The following SIRT1 variants were observed in gnomAD, a reference collection of about 807,000 sequenced individuals.
SIRT1 encodes sirtuin 1.
SIRT1 carries 24 observed loss-of-function variants against 67.9 expected under a neutral mutation model. That is an observed-to-expected ratio of 0.35 (90% CI 0.26 to 0.50). The LOEUF (loss-of-function observed/expected upper bound fraction) is 0.50, where lower values mean the gene tolerates loss of function less well. Among genes scored for constraint, SIRT1 ranks in the 20% least tolerant of loss-of-function variants. SIRT1 has a pLI of 0.98. For synonymous variants in SIRT1, 378 were observed against 350.7 expected (o/e 1.08, Z -0.87); for missense variants, 873 against 937.2 (o/e 0.93, Z 0.89).
chr10:67,907,486 C>T (rs1332686523), intron 5 of SIRT1, among the ~76,000 whole-genome samples: 5 of 88,162 alleles, frequency 5.7e-5, no homozygotes, highest in African/African-American at 1.4e-4. Flanking sequence ...CAGTGAGACT[C>T]TGTCAAAAAA....
chr10:67,888,891 C>G lies in SIRT1; in HGVS notation c.557C>G (p.Thr186Ser), dbSNP rs201841214. 1.4e-5 allele frequency: 22 copies of G among 1,610,928 alleles called. No individual in the cohort carries two copies. Among genetic ancestry groups the G allele is most frequent in the Admixed American group, 3.3e-5 (2 of 59,780 alleles). The change falls in exon 3 of 9, where the codon ACT (threonine) becomes AGT (serine). Residue 186 changes from threonine to serine, a missense_variant. Thr to Ser is a moderately conservative substitution (Grantham distance 58). This residue lies in a region of SIRT1 where 327 missense variants were observed against 283.9 expected (regional missense o/e 1.15). Transcript: ENST00000212015. ...TTCCCCCTTATTGTAGGTCCATATA[C>G]TTTTGTTCAGCAACATCTTATGATT... ...WTPRPRIGPY[T>S]FVQQHLMIGT... is the part of the protein sequence containing the mutation.
chr10:67,885,090 A>C lies in SIRT1; in HGVS notation c.369A>C (p.Glu123Asp), dbSNP rs1842453650. The C allele has an allele frequency of 2.1e-6, 3 of 1,447,092 alleles. No homozygotes were observed. The highest frequency in any genetic ancestry group is 2.7e-5 in the Admixed American group (1 of 37,718). The allele number at this position is 1,447,092 out of a possible 1,614,324, so 89.6% of individuals were successfully genotyped here. A position where few individuals can be genotyped will look rare whatever the true frequency, so the allele number is the denominator to read the frequency against. The stretch of plus-strand genomic sequence containing the variant: ...CGCTGGCCGACAACTTGTACGACGA[A>C]GACGACGACGACGAGGGCGAGGAGG... Reference protein sequence around the residue: ...EPPLADNLYDEDDDDEGEEEE... With the variant: ...EPPLADNLYDDDDDDEGEEEE... The change falls in exon 1 of 9, where the codon GAA (glutamate) becomes GAC (aspartate). Residue 123 changes from glutamate (E) to aspartate (D), a missense_variant. Transcript: ENST00000212015.
intron 4 of SIRT1, chr10:67,905,990 T>C (rs985627974): frequency 7.5e-6 from 3 of 402,652 alleles, no homozygotes; most frequent in Non-Finnish European, 1.2e-5. Flanking sequence ...AGGAAGTAAG[T>C]AGATGATAGC....
In SIRT1 at chr10:67,916,779, C is replaced by A; in HGVS notation, c.*186C>A. On this transcript the variant is annotated 3_prime_UTR_variant, in exon 9 of 9. Coordinates refer to ENST00000212015, the MANE Select transcript of SIRT1 (RefSeq NM_012238.5). Reference sequence around the variant, plus strand: ...TTCATTATTTCTGTACTTGTACAAACTCAACACTAACTTTTTTTTTTTTAA... The same window carrying A: ...TTCATTATTTCTGTACTTGTACAAAATCAACACTAACTTTTTTTTTTTTAA... 2 of 405,612 alleles carry A rather than the reference C, an allele frequency of 4.9e-6. No homozygotes were observed. The highest frequency in any genetic ancestry group is 8.6e-6 in the Non-Finnish European group (2 of 233,660). The allele number at this position is 405,612 out of a possible 1,614,324, so 25.1% of individuals were successfully genotyped here.
In SIRT1 at chr10:67,909,105, A is replaced by G. The variant is rs574670232; in HGVS notation, c.1171-151A>G. ...ATAGTATGTTAATAAACTACCCATC[A>G]TTGACAGTTGCTGTTTATCCATAGC... On this transcript the variant is annotated intron_variant, in intron 6 of 8. Coordinates refer to ENST00000212015, the MANE Select transcript of SIRT1 (RefSeq NM_012238.5). 652 of 578,568 alleles carry G rather than the reference A, an allele frequency of 1.1e-3. 2 individuals carry two copies. The highest frequency in any genetic ancestry group is 1.7e-3 in the Non-Finnish European group (561 of 332,876). The allele number at this position is 578,568 out of a possible 1,614,324, so 35.8% of individuals were successfully genotyped here.
At chr10:67,892,036 A>G (rs972105464) in intron 4 of SIRT1, among the ~76,000 whole-genome samples, 2 of 152,170 alleles carry the variant, frequency 1.3e-5, no homozygotes, top group African/African-American at 4.8e-5. Context: ...ATTCTGCTCT[A>G]GAGTTGCACC....
chr10:67,915,058 T>C (rs1043746155), intron 8 of SIRT1, among the ~76,000 whole-genome samples: 1 of 152,048 alleles, frequency 6.6e-6, no homozygotes, highest in African/African-American at 2.4e-5. Context: ...GAGTACTATG[T>C]GTCTGTTGTA....
intron 4 of SIRT1, among the ~76,000 whole-genome samples, 191 bp from the exon 5 acceptor site, chr10:67,906,599 T>C (rs1006979763): frequency 2.6e-5 from 4 of 152,244 alleles, no homozygotes; most frequent in Admixed American, 2.6e-4. Flanking sequence ...CACTAATTGC[T>C]GAGTTTTATG....
intron 4 of SIRT1, among the ~76,000 whole-genome samples, chr10:67,895,984 C>T (rs561538603): frequency 6.6e-6 from 1 of 151,906 alleles, no homozygotes; most frequent in African/African-American, 2.4e-5. Flanking sequence ...TCAGGTGATC[C>T]GCCCGCCTAG....
chr10:67,887,978 C>A (rs1436673969), intron 2 of SIRT1, among the ~76,000 whole-genome samples: 2 of 152,212 alleles, frequency 1.3e-5, no homozygotes, highest in African/African-American at 4.8e-5. Flanking sequence ...CTTACCACTT[C>A]TTGAAAAGCT....
At chr10:67,905,599 G>C (rs1037084859) in intron 4 of SIRT1, among the ~76,000 whole-genome samples, 2 of 152,152 alleles carry the variant, frequency 1.3e-5, no homozygotes, top group Non-Finnish European at 2.9e-5. Flanking sequence ...TAGGTAAAAA[G>C]TCATCTTTAA....
chr10:67,888,391 A>C (rs1473433960), intron 2 of SIRT1, among the ~76,000 whole-genome samples: 1 of 152,202 alleles, frequency 6.6e-6, no homozygotes, highest in Non-Finnish European at 1.5e-5. Flanking sequence ...TTCTCAGAAC[A>C]TCAACATTGT....
rs1564880865 is a variant in SIRT1 at position 67,884,957 on chromosome 10, C to T, written c.236C>T (p.Ala79Val). The T allele has an allele frequency of 3.2e-6, 4 of 1,256,872 alleles. No individual in the cohort carries two copies. The highest frequency in any genetic ancestry group is 4.0e-6 in the Non-Finnish European group (4 of 1,001,708). The allele number at this position is 1,256,872 out of a possible 1,614,324, so 77.9% of individuals were successfully genotyped here. A position where few individuals can be genotyped will look rare whatever the true frequency, so the allele number is the denominator to read the frequency against. Residue 79 changes from alanine to valine, a missense_variant, in exon 1 of 9, where the codon GCG becomes GTG. Transcript: ENST00000212015. ...GCGGCGGCGGCGCTGTGGCGGGAGG[C>T]GGAGGCAGAGGCGGCGGCGGCAGGC... ...GAAAAALWRE[A>V]EAEAAAAGGE...
chr10:67,884,989 C>G lies in SIRT1; in HGVS notation c.268C>G (p.Gln90Glu). Reference protein sequence around the residue: ...EAEAAAAGGEQEAQATAAAGE... With the variant: ...EAEAAAAGGEEEAQATAAAGE... ...AGAGGCGGCGGCGGCAGGCGGGGAG[C>G]AAGAGGCCCAGGCGACTGCGGCGGC... The change falls in exon 1 of 9, where the codon CAA (glutamine) becomes GAA (glutamate). Residue 90 changes from glutamine (Q) to glutamate (E), a missense_variant. By Grantham distance (29) the Gln-to-Glu change is conservative (BLOSUM62 2). This residue lies in a region of SIRT1 where 327 missense variants were observed against 283.9 expected (regional missense o/e 1.15). Coordinates refer to ENST00000212015, the MANE Select transcript of SIRT1 (RefSeq NM_012238.5). 1 of 1,274,132 alleles carries G rather than the reference C, an allele frequency of 7.8e-7. No homozygotes were observed. The highest frequency in any genetic ancestry group is 9.9e-7 in the Non-Finnish European group (1 of 1,006,500). 78.9% of individuals were successfully genotyped at this position (1,274,132 alleles called of 1,614,324 possible).
chr10:67,894,045 T>C (rs757422636), intron 4 of SIRT1, among the ~76,000 whole-genome samples: 2 of 152,166 alleles, frequency 1.3e-5, no homozygotes, highest in Non-Finnish European at 2.9e-5. Flanking sequence ...GAAGCTGAGA[T>C]AGGAAGATCT....
At position 67,917,718 on chromosome 10, in the gene SIRT1, T is replaced by G. The variant is rs1229458821; in HGVS notation, c.*1125T>G. On this transcript the variant is annotated 3_prime_UTR_variant, in exon 9 of 9. Transcript: ENST00000212015. ...ACTGCTAGCCCTAGTATTATGGAGA[T>G]GAACATGATGATGTAACTTGTAATA... The G allele has an allele frequency of 6.6e-6, 1 of 152,646 alleles. No homozygotes were observed. 9.5% of individuals were successfully genotyped at this position (152,646 alleles called of 1,614,324 possible). A position where few individuals can be genotyped will look rare whatever the true frequency, so the allele number is the denominator to read the frequency against.
intron 6 of SIRT1, 46 bp from the exon 7 acceptor site, chr10:67,909,210 C>T (rs1260601206): frequency 7.4e-7 from 1 of 1,350,196 alleles, no homozygotes; most frequent in Non-Finnish European, 1.0e-6. Context: ...CTAACTTGGG[C>T]TTACTCTTTG....
At chr10:67,914,059 ATTTTTTTTTTTTTT>A (rs57073724) in intron 8 of SIRT1, among the ~76,000 whole-genome samples, 9 of 88,236 alleles carry the variant, frequency 1.0e-4, no homozygotes, top group African/African-American at 4.1e-4. Flanking sequence ...CAAAAGGTAG[ATTTTTTTTTTTTTT>A]TTTTTTTTTT....
rs746481559 is a variant in SIRT1 at position 67,912,937 on chromosome 10, T to C, written c.1821T>C (p.Thr607=). 6.2e-6 allele frequency: 10 copies of C among 1,613,966 alleles called. No homozygotes were observed. In the South Asian group the frequency reaches 1.1e-4, roughly 18 times the overall value. The change falls in exon 8 of 9, where the codon ACT becomes ACC. Residue 607 remains threonine, a synonymous_variant. Coordinates refer to ENST00000212015, the MANE Select transcript of SIRT1 (RefSeq NM_012238.5). ...NPDLKNVGSS[T]GEKNERTSVA... The stretch of plus-strand genomic sequence containing the variant: ...ATTTGAAGAATGTTGGTTCTAGTAC[T>C]GGGGAGAAAAATGAAAGAACTTCAG...
Sources: gnomAD v4.1 joint callset for allele counts (sites outside exome capture counted in the v4.1 genomes callset) on GRCh38, gnomAD v4.1.1 for gene constraint, gnomAD v4.1.1 regional missense constraint, MANE v1.5 for transcripts, NCBI Gene and HGNC (gene_info 2026-07-23, HGNC 2026-07-21) for gene names.